Variants in COL6A5 observed in about 807,000 individuals in gnomAD.
The protein encoded by COL6A5 is collagen alpha-5(VI) chain.
Under a neutral mutation model 65.6 loss-of-function variants are expected in COL6A5, and 48 were observed. The ratio of observed to expected loss-of-function variants is 0.73; its 90% confidence interval spans 0.58 to 0.93. COL6A5 has a LOEUF of 0.93. COL6A5 is among the 40% of genes least tolerant of loss of function. The probability of loss-of-function intolerance (pLI) is 0.00; values close to 1 mark genes in which losing one functional copy is unlikely to be tolerated. For synonymous variants in COL6A5, 291 were observed against 322.8 expected (o/e 0.90, Z 1.05); for missense variants, 914 against 928.3 (o/e 0.98, Z 0.20).
At chr3:130,350,524 A>G (rs1280916586) in intron 1 of COL6A5, among the ~76,000 whole-genome samples, 1 of 152,188 alleles carries the variant, frequency 6.6e-6, no homozygotes, top group Non-Finnish European at 1.5e-5. Flanking sequence ...TAACAGACAA[A>G]CAGAGAGCCA....
upstream of COL6A5, among the ~76,000 whole-genome samples, chr3:130,430,678 T>C (rs72984307): frequency 0.014 from 2,184 of 152,282 alleles, 56 homozygotes; most frequent in African/African-American, 0.05. Context: ...TATTGCAAAC[T>C]TTTCTTGGTT....
exon 7 of COL6A5, chr3:130,391,559 C>T: frequency 6.4e-7 from 1 of 1,551,646 alleles, no homozygotes; most frequent in Non-Finnish European, 8.7e-7. Flanking sequence ...TGACCATGAT[C>T]AGCTCAATGA....
At chr3:130,379,761 A>T (rs1365047469) in exon 4 of COL6A5, 3 of 1,551,458 alleles carry the variant, frequency 1.9e-6, no homozygotes, top group Non-Finnish European at 2.6e-6. Flanking sequence ...GAGCACAAGG[A>T]GTGCCTCAGA....
In COL6A5 at chr3:130,395,526, G is replaced by C. The variant is rs1240212850; in HGVS notation, c.3568+61G>C. 4.9e-6 allele frequency: 6 copies of C among 1,228,916 alleles called. No individual in the cohort carries two copies. In the East Asian group the frequency reaches 1.5e-4, roughly 31 times the overall value. The allele number at this position is 1,228,916 out of a possible 1,614,324, so 76.1% of individuals were successfully genotyped here. A position where few individuals can be genotyped will look rare whatever the true frequency, so the allele number is the denominator to read the frequency against. On this transcript the variant is annotated intron_variant and NMD_transcript_variant, in intron 8 of 41. Coordinates refer to the COL6A5 transcript ENST00000312481. ...CTTCTCATTTCTCCATTTCCCAAGA[G>C]TGTCTTATGGGCTAGCTCTAGCAGA...
chr3:130,451,871 G>A (rs1367191864), intron 4 of COL6A5, among the ~76,000 whole-genome samples: 3 of 152,094 alleles, frequency 2.0e-5, no homozygotes, highest in Non-Finnish European at 4.4e-5. Context: ...GGGGATCATG[G>A]GATTGGTATG....
intron 1 of COL6A5, among the ~76,000 whole-genome samples, chr3:130,371,600 T>C (rs12635891): frequency 6.6e-6 from 1 of 151,348 alleles, no homozygotes; most frequent in East Asian, 1.9e-4. Context: ...CAAATGGTAC[T>C]AGGACAACGG....
At chr3:130,359,045 C>G (rs1327116297) in intron 1 of COL6A5, among the ~76,000 whole-genome samples, 3 of 152,120 alleles carry the variant, frequency 2.0e-5, no homozygotes, top group Non-Finnish European at 4.4e-5. Context: ...TAGGCATTGA[C>G]TAATCAGAAT....
intron 8 of COL6A5, among the ~76,000 whole-genome samples, chr3:130,397,156 C>A (rs1207509242): frequency 1.3e-5 from 2 of 152,120 alleles, no homozygotes; most frequent in Admixed American, 1.3e-4. Flanking sequence ...CTTAAGCCAC[C>A]ACACCCAGCC....
intron 1 of COL6A5, among the ~76,000 whole-genome samples, chr3:130,362,302 ATATATATATATATATATATATATAT>A (rs1484882027): frequency 9.6e-3 from 10 of 1,040 alleles, no homozygotes; most frequent in East Asian, 0.033. Flanking sequence ...ATATATATAT[ATATATATATATATATATATATATAT>A]TTTTTTTTTT....
At chr3:130,389,125 G>GCT in exon 6 of COL6A5, 1 of 1,432,464 alleles carries the variant, frequency 7.0e-7, no homozygotes, top group Non-Finnish European at 9.2e-7. Flanking sequence ...TCGTGTGTGT[G>GCT]CTCTCCATGG....
At chr3:130,354,013 A>C (rs561770853) in intron 1 of COL6A5, among the ~76,000 whole-genome samples, 2 of 152,078 alleles carry the variant, frequency 1.3e-5, no homozygotes, top group Admixed American at 1.3e-4. Flanking sequence ...GTTCTGGATA[A>C]GGGAAGAAAA....
intron 5 of COL6A5, among the ~76,000 whole-genome samples, chr3:130,456,216 T>C (rs1458605632): frequency 6.6e-6 from 1 of 152,158 alleles, no homozygotes; most frequent in East Asian, 1.9e-4. Context: ...TAAACTCCCT[T>C]GATGCCTACT....
At chr3:130,444,918 A>G (rs1161815122) in intron 4 of COL6A5, among the ~76,000 whole-genome samples, 2 of 152,228 alleles carry the variant, frequency 1.3e-5, no homozygotes, top group Non-Finnish European at 2.9e-5. Flanking sequence ...CAGTCTTGTT[A>G]TAGGAATACG....
At chr3:130,394,785 AT>A in intron 7 of COL6A5, 104 bp from the exon 8 acceptor site, 1 of 767,074 alleles carries the variant, frequency 1.3e-6, no homozygotes, top group Non-Finnish European at 2.1e-6. Context: ...CAATTTGCTA[AT>A]GTAAATCAAT....
At chr3:130,459,393 A>G (rs889720895) in intron 5 of COL6A5, among the ~76,000 whole-genome samples, 6 of 152,152 alleles carry the variant, frequency 3.9e-5, no homozygotes, top group African/African-American at 1.4e-4. Context: ...TAGAACTGGA[A>G]GGGTATTAGT....
At chr3:130,403,724 CACACAAACACACACTTATTTT>C (rs1333773672) in intron 13 of COL6A5, 62 bp downstream of exon 13, 66 of 1,005,470 alleles carry the variant, frequency 6.6e-5, no homozygotes, top group Admixed American at 2.5e-4. Context: ...CACACACACA[CACACAAACACACACTTATTTT>C]CTTTTTCATA....
Position 130,455,438 on chromosome 3 carries a change from GTTT to G in COL6A5, c.1333-10_1333-8del. On this transcript the variant is annotated splice_polypyrimidine_tract_variant and intron_variant, in intron 4 of 7. Coordinates refer to ENST00000512836, the Ensembl canonical transcript of COL6A5. ...CTAAAGTTATCTAGACTCACCTAAA[GTTT>G]TTTTTTCTTCTAGATTTGTTACTGA... 1 of 1,515,564 alleles carries G rather than the reference GTTT, an allele frequency of 6.6e-7. No individual in the cohort carries two copies. Among genetic ancestry groups the G allele is most frequent in the Non-Finnish European group, 9.1e-7 (1 of 1,098,320 alleles). The allele number at this position is 1,515,564 out of a possible 1,614,324, so 93.9% of individuals were successfully genotyped here. A position where few individuals can be genotyped will look rare whatever the true frequency, so the allele number is the denominator to read the frequency against.
chr3:130,411,166 G>T lies in COL6A5; in HGVS notation c.4662+642G>T, dbSNP rs994143847. On this transcript the variant is annotated intron_variant and NMD_transcript_variant, in intron 20 of 41. Coordinates refer to the COL6A5 transcript ENST00000312481. ...TATCAAGCCTATCACAGCAAAAAAT[G>T]GGGATATTGGACTTCCATATCTTTT... Among the ~76,000 whole-genome samples, 7 of 152,264 alleles carry T rather than the reference G, an allele frequency of 4.6e-5. No individual in the cohort carries two copies. The East Asian group carries it at 1.4e-3, about 29-fold the overall frequency.
intron 24 of COL6A5, among the ~76,000 whole-genome samples, chr3:130,417,619 C>T (rs1229148123): frequency 2.6e-5 from 4 of 152,036 alleles, no homozygotes; most frequent in Admixed American, 6.6e-5. Context: ...ATGTGGTTCT[C>T]GAACCACGAC....
Sources: gnomAD v4.1 joint callset for allele counts (sites outside exome capture counted in the v4.1 genomes callset) on GRCh38, gnomAD v4.1.1 for gene constraint, MANE v1.5 for transcripts, NCBI Gene and HGNC (gene_info 2026-07-23, HGNC 2026-07-21) for gene names.